The following APP variants were observed in gnomAD, a reference collection of about 807,000 sequenced individuals.
The protein encoded by APP is amyloid-beta precursor protein.
APP carries 31 observed loss-of-function variants against 101.4 expected under a neutral mutation model. The observed-to-expected ratio is 0.31, with a 90% confidence interval of 0.23 to 0.41. The LOEUF is 0.41. APP is among the 10% of genes least tolerant of loss of function. APP has a pLI of 1.00. For synonymous variants in APP, 366 were observed against 364.4 expected, an observed-to-expected ratio of 1.00 and a Z score of -0.05; for missense variants, 839 against 1,003.7, an observed-to-expected ratio of 0.84 and a Z score of 2.22.
intron 11 of APP, among the ~76,000 whole-genome samples, chr21:25,968,911 T>A (rs2041898039): frequency 6.6e-6 from 1 of 152,146 alleles, no homozygotes; most frequent in Non-Finnish European, 1.5e-5. Context: ...CTGAATACAG[T>A]TGTCTGCATT....
chr21:26,035,990 G>C (rs2045091826), intron 5 of APP, among the ~76,000 whole-genome samples: 1 of 152,090 alleles, frequency 6.6e-6, no homozygotes, highest in African/African-American at 2.4e-5. Flanking sequence ...GGACTGGGTA[G>C]CAGGGGAATT....
At chr21:26,004,227 G>A (rs1223649907) in intron 6 of APP, among the ~76,000 whole-genome samples, 1 of 148,350 alleles carries the variant, frequency 6.7e-6, no homozygotes, top group Non-Finnish European at 1.5e-5. Flanking sequence ...TTTAATAGTT[G>A]TGATACTGTA....
intron 3 of APP, among the ~76,000 whole-genome samples, chr21:26,064,507 AG>A (rs2046383662): frequency 6.6e-6 from 1 of 152,248 alleles, no homozygotes; most frequent in African/African-American, 2.4e-5. Flanking sequence ...GGATGGCACC[AG>A]GTTCAAGAGC....
intron 13 of APP, among the ~76,000 whole-genome samples, chr21:25,915,650 A>G (rs1177463866): frequency 2.6e-5 from 4 of 152,260 alleles, no homozygotes. Context: ...TGGTCATCAA[A>G]TAAGCATTTC....
intron 13 of APP, among the ~76,000 whole-genome samples, chr21:25,927,813 A>C (rs1011827820): frequency 1.3e-5 from 2 of 152,176 alleles, no homozygotes; most frequent in Non-Finnish European, 2.9e-5. Context: ...TTTTCCTTTA[A>C]AACACATTTC....
chr21:26,084,387 C>CA (rs2061662264), intron 3 of APP, among the ~76,000 whole-genome samples: 2 of 82 alleles, frequency 0.024, no homozygotes, highest in South Asian at 0.25. Flanking sequence ...TACAGGCGCC[C>CA]GCACCACGCC....
rs146932917 is a variant in APP at position 26,045,978 on chromosome 21, A to G, written c.662+5022T>C. 8.7e-4 allele frequency among the ~76,000 whole-genome samples: 132 copies of G among 152,178 alleles called. 1 individual carries two copies. Among genetic ancestry groups the G allele is most frequent in the African/African-American group, 3.0e-3 (126 of 41,456 alleles). ...CAAGGAGGAGCAAGTCATGTCTTAC[A>G]TGTATGGCAGCAGGCAAAGAGAGAG... is the stretch of plus-strand genomic sequence containing the variant. On this transcript the variant is annotated intron_variant, in intron 5 of 17. Transcript: ENST00000346798.
rs532170174 is a variant in APP, at chr21:26,045,595, C to T, written c.662+5405G>A. Among the ~76,000 whole-genome samples, 22 of 152,180 alleles carry T rather than the reference C, an allele frequency of 1.4e-4. 1 individual carries two copies. In the South Asian group the frequency reaches 4.4e-3, roughly 30 times the overall value. On this transcript the variant is annotated intron_variant, in intron 5 of 17. Transcript: ENST00000346798. ...TTCTGTAAATTGTTTACCAAATAAT[C>T]TAAAAATATGAAACAATAATAATAT...
chr21:26,149,535 C>T (rs1000402754), intron 1 of APP, among the ~76,000 whole-genome samples: 9 of 152,108 alleles, frequency 5.9e-5, no homozygotes, highest in Admixed American at 2.6e-4. Context: ...CACGGTTGAC[C>T]GCCAGGTTAC....
intron 3 of APP, among the ~76,000 whole-genome samples, chr21:26,079,646 GA>G (rs1418102169): frequency 1.3e-5 from 2 of 152,210 alleles, no homozygotes; most frequent in Non-Finnish European, 2.9e-5. Flanking sequence ...AGGAAGTCCT[GA>G]AAACTTGAGC....
chr21:25,981,984 C>T (rs1350116684), intron 9 of APP, among the ~76,000 whole-genome samples: 1 of 152,138 alleles, frequency 6.6e-6, no homozygotes, highest in Non-Finnish European at 1.5e-5. Context: ...GGATTTAATA[C>T]AAAACCTCAT....
chr21:25,974,999 A>G, intron 11 of APP, 71 bp downstream of exon 11: 1 of 1,599,826 alleles, frequency 6.3e-7, no homozygotes, highest in South Asian at 1.1e-5. Flanking sequence ...TATGGCTTCC[A>G]GTTCCCAGTG....
At chr21:25,904,932 A>C in intron 15 of APP, 92 bp downstream of exon 15, 14 of 1,148,390 alleles carry the variant, frequency 1.2e-5, no homozygotes, top group Non-Finnish European at 1.8e-5. Context: ...AGTAAGTACA[A>C]TTGAGAGAGG....
At chr21:25,939,412 A>G (rs2040484675) in intron 13 of APP, among the ~76,000 whole-genome samples, 1 of 152,258 alleles carries the variant, frequency 6.6e-6, no homozygotes, top group Non-Finnish European at 1.5e-5. Context: ...TAATTCACAA[A>G]TAGTCCCACT....
chr21:26,160,844 T>A (rs2063475303), intron 1 of APP, among the ~76,000 whole-genome samples: 1 of 152,202 alleles, frequency 6.6e-6, no homozygotes, highest in African/African-American at 2.4e-5. Context: ...AAATGAGGCA[T>A]TTTTTCTTTT....
chr21:26,093,673 C>T (rs1400365791), intron 2 of APP, among the ~76,000 whole-genome samples: 1 of 152,174 alleles, frequency 6.6e-6, no homozygotes, highest in African/African-American at 2.4e-5. Flanking sequence ...AGTACTAGAA[C>T]TTTATACAGT....
At chr21:26,154,316 A>G (rs148793574) in intron 1 of APP, among the ~76,000 whole-genome samples, 33 of 152,252 alleles carry the variant, frequency 2.2e-4, no homozygotes, top group African/African-American at 7.7e-4. Flanking sequence ...TGACAGGTCC[A>G]TCTCTCCCCT....
chr21:25,905,103 G>T (rs1040963302), intron 14 of APP, 26 bp from the exon 15 acceptor site: 1 of 1,607,812 alleles, frequency 6.2e-7, no homozygotes, highest in Non-Finnish European at 8.5e-7. Flanking sequence ...AAGGGACACA[G>T]AAAGCAAACA....
intron 1 of APP, among the ~76,000 whole-genome samples, chr21:26,129,132 A>G (rs2062741132): frequency 6.6e-6 from 1 of 152,200 alleles, no homozygotes; most frequent in Admixed American, 6.5e-5. Context: ...AGAAAATGCC[A>G]AAAGGGTACA....
Sources: gnomAD v4.1 joint callset for allele counts (sites outside exome capture counted in the v4.1 genomes callset) on GRCh38, gnomAD v4.1.1 for gene constraint, MANE v1.5 for transcripts, NCBI Gene and HGNC (gene_info 2026-07-23, HGNC 2026-07-21) for gene names.